Variants in MICAL2 observed in about 807,000 individuals in gnomAD.
The protein encoded by MICAL2 is microtubule associated monooxygenase, calponin and LIM domain containing 2.
Under a neutral mutation model 127.3 loss-of-function variants are expected in MICAL2, and 77 were observed. That is an observed-to-expected ratio of 0.60 (90% confidence interval 0.50 to 0.73). The LOEUF is 0.73. Among genes scored for constraint, MICAL2 ranks in the 30% least tolerant of loss-of-function variants. The pLI is 0.00. For synonymous variants in MICAL2, 570 were observed against 551.1 expected, an observed-to-expected ratio of 1.03 and a Z score of -0.48; for missense variants, 1,351 against 1,434.4, an observed-to-expected ratio of 0.94 and a Z score of 0.94.
chr11:12,315,063 T>A (rs1206071984), intron 29 of MICAL2, among the ~76,000 whole-genome samples: 1 of 152,176 alleles, frequency 6.6e-6, no homozygotes, highest in Non-Finnish European at 1.5e-5. Flanking sequence ...CAGGTTTTGT[T>A]TGAAAACGTT....
At chr11:12,236,149 G>A (rs1486502136) in intron 15 of MICAL2, 28 bp from the exon 16 acceptor site, 2 of 1,608,928 alleles carry the variant, frequency 1.2e-6, no homozygotes, top group Non-Finnish European at 1.7e-6. Flanking sequence ...GGCCCCCAGA[G>A]CTCACCCTGC....
chr11:12,130,246 G>A (rs1278071013), intron 1 of MICAL2, among the ~76,000 whole-genome samples: 1 of 152,168 alleles, frequency 6.6e-6, no homozygotes, highest in Non-Finnish European at 1.5e-5. Context: ...GCCTGAGTAT[G>A]AAATTGTCCT....
At chr11:12,341,695 C>T (rs748050512) in intron 32 of MICAL2, among the ~76,000 whole-genome samples, 9 of 151,998 alleles carry the variant, frequency 5.9e-5, no homozygotes, top group Non-Finnish European at 1.2e-4. Flanking sequence ...AGCATGGTGG[C>T]GCATGCCTGT....
Position 12,255,764 on chromosome 11 carries a change from C to T in MICAL2, c.2955+14C>T, listed in dbSNP as rs1238591268. 3 of 1,599,764 alleles carry T rather than the reference C, an allele frequency of 1.9e-6. No individual in the cohort carries two copies. Among genetic ancestry groups the T allele is most frequent in the African/African-American group, 1.3e-5 (1 of 74,676 alleles). ...TCTCCAGACCTGGTAAGGACATGCA[C>T]CCCCAGCCTTCACCCACAGACACTG... On this transcript the variant is annotated intron_variant, in intron 23 of 27. Transcript: ENST00000683283.
intron 3 of MICAL2, among the ~76,000 whole-genome samples, chr11:12,188,790 A>G (rs1266341540): frequency 6.6e-6 from 1 of 152,154 alleles, no homozygotes; most frequent in Non-Finnish European, 1.5e-5. Flanking sequence ...ACTTTATAGG[A>G]TCCTTGTTAG....
intron 3 of MICAL2, among the ~76,000 whole-genome samples, chr11:12,173,428 C>T (rs1856499311): frequency 1.3e-5 from 2 of 152,236 alleles, no homozygotes. Context: ...AGAACATGCT[C>T]ATGTTTACTT....
intron 26 of MICAL2, 57 bp downstream of exon 26, chr11:12,259,954 GACCTGTGTA>G (rs749819126): frequency 6.3e-7 from 1 of 1,589,826 alleles, no homozygotes. Context: ...GCTGCCGAGG[GACCTGTGTA>G]ACTGGATGCA....
At position 12,242,367 on chromosome 11, in the gene MICAL2, C is replaced by T; in HGVS notation, c.2491C>T (p.Pro831Ser). The T allele has an allele frequency of 1.9e-6, 3 of 1,614,070 alleles. No homozygotes were observed. Among genetic ancestry groups the T allele is most frequent in the African/African-American group, 2.7e-5 (2 of 75,044 alleles). ...ENFATLPSTRPRAQALSGVLW... is the reference protein window; with the variant it reads ...ENFATLPSTRSRAQALSGVLW... Reference sequence around the variant, plus strand: ...TTTCGCTACCCTGCCTTCTACCCGCCCGAGGGCGCAGGCTCTTTCCGGGGT... The same window carrying T: ...TTTCGCTACCCTGCCTTCTACCCGCTCGAGGGCGCAGGCTCTTTCCGGGGT... The change falls in exon 19 of 28, where the codon CCG becomes TCG. Residue 831 changes from proline to serine, a missense_variant. Physicochemically the swap from Pro to Ser is moderately conservative, Grantham distance 74. Around this residue, in one of 2 missense-constraint regions of MICAL2, gnomAD observed 752 missense variants for 719.4 expected, o/e 1.05. Transcript: ENST00000683283.
At chr11:12,156,078 T>G (rs1049886058) in intron 2 of MICAL2, among the ~76,000 whole-genome samples, 2 of 151,970 alleles carry the variant, frequency 1.3e-5, no homozygotes, top group Non-Finnish European at 2.9e-5. Flanking sequence ...AGAACTTGGG[T>G]TCTCAGTGAA....
At chr11:12,131,713 T>C (rs897344465) in intron 1 of MICAL2, among the ~76,000 whole-genome samples, 5 of 152,186 alleles carry the variant, frequency 3.3e-5, no homozygotes, top group African/African-American at 1.2e-4. Context: ...GCACCCACCA[T>C]GTTCCAGGCA....
At chr11:12,124,491 C>A (rs1589986544) in intron 1 of MICAL2, among the ~76,000 whole-genome samples, 1 of 152,214 alleles carries the variant, frequency 6.6e-6, no homozygotes, top group East Asian at 1.9e-4. Flanking sequence ...GTGTTCTCAG[C>A]TCCTCGAGGG....
At chr11:12,222,538 G>A (rs548307673) in intron 10 of MICAL2, 79 bp from the exon 11 acceptor site, 7 of 1,581,036 alleles carry the variant, frequency 4.4e-6, no homozygotes, top group East Asian at 2.2e-5. Flanking sequence ...GCCAGAGGAA[G>A]GGGGAAGTAG....
In MICAL2 at chr11:12,330,732, A is replaced by T. The variant is rs536845498; in HGVS notation, c.5515+3466A>T. On this transcript the variant is annotated intron_variant, in intron 32 of 34. Transcript: ENST00000646065. ...GTCAAGGAAAGGGAAACAAAGGAAA[A>T]CAAAAATCTAATAATCCACCCCAGA... 9.1e-4 allele frequency among the ~76,000 whole-genome samples: 139 copies of T among 152,080 alleles called. 1 individual carries two copies. The Middle Eastern group carries it at 0.014, about 15-fold the overall frequency.
intron 4 of MICAL2, among the ~76,000 whole-genome samples, chr11:12,206,576 G>T (rs769143164): frequency 6.6e-6 from 1 of 152,078 alleles, no homozygotes; most frequent in Non-Finnish European, 1.5e-5. Flanking sequence ...ATTGGCTTTG[G>T]ATCACCCCAG....
intron 21 of MICAL2, among the ~76,000 whole-genome samples, chr11:12,244,982 CT>C (rs1337696483): frequency 6.6e-6 from 1 of 152,180 alleles, no homozygotes; most frequent in East Asian, 1.9e-4. Context: ...GGGGAGCTAA[CT>C]TTGGTTAAGT....
chr11:12,288,931 C>T (rs955656415), downstream of MICAL2, among the ~76,000 whole-genome samples: 1 of 152,226 alleles, frequency 6.6e-6, no homozygotes, highest in African/African-American at 2.4e-5. Context: ...CAAAAGAAAA[C>T]CTCAGGGAGC....
chr11:12,297,325 T>C (rs771856680), intron 29 of MICAL2, among the ~76,000 whole-genome samples: 62 of 152,296 alleles, frequency 4.1e-4, no homozygotes, highest in Middle Eastern at 3.4e-3. Context: ...GCATCTCCTT[T>C]TCTGTGACCA....
At chr11:12,280,954 T>C in exon 2 of MICAL2, 3 of 399,114 alleles carry the variant, frequency 7.5e-6, no homozygotes, top group Non-Finnish European at 1.3e-5. Flanking sequence ...AGTCTGACTA[T>C]GGTGGCAGCG....
At chr11:12,298,751 C>T (rs1367856041) in intron 29 of MICAL2, among the ~76,000 whole-genome samples, 1 of 152,010 alleles carries the variant, frequency 6.6e-6, no homozygotes, top group African/African-American at 2.4e-5. Flanking sequence ...TTTGAGATGT[C>T]TGATTTTTTT....
Sources: allele counts gnomAD v4.1 joint callset (sites outside exome capture counted in the v4.1 genomes callset), GRCh38; gene constraint gnomAD v4.1.1; regional missense constraint gnomAD v4.1.1; transcripts MANE v1.5; gene names NCBI Gene and HGNC (gene_info 2026-07-23, HGNC 2026-07-21).